Variants in BRIP1 observed in about 807,000 individuals in gnomAD.
The protein encoded by BRIP1 is BRCA1 interacting DNA helicase 1.
BRIP1 carries 88 observed loss-of-function variants against 119.7 expected under a neutral mutation model. The ratio of observed to expected loss-of-function variants is 0.74; its 90% CI spans 0.62 to 0.88. The LOEUF (loss-of-function observed/expected upper bound fraction) is 0.88, where lower values mean the gene tolerates loss of function less well. BRIP1 is among the 40% of genes least tolerant of loss of function. The pLI, the probability that BRIP1 is intolerant of heterozygous loss-of-function variation, is 0.00. For synonymous variants in BRIP1, 443 were observed against 496.5 expected (o/e 0.89, Z 1.43); for missense variants, 1,259 against 1,455.4 (o/e 0.87, Z 2.20).
Position 61,861,419 on chromosome 17 carries a change from A to G in BRIP1, c.93+28T>C, listed in dbSNP as rs1452207446. 9 of 1,483,318 alleles carry G rather than the reference A, an allele frequency of 6.1e-6. No individual in the cohort carries two copies. Among genetic ancestry groups the G allele is most frequent in the Non-Finnish European group, 8.5e-6 (9 of 1,061,958 alleles). The allele number at this position is 1,483,318 out of a possible 1,614,324, so 91.9% of individuals were successfully genotyped here. ...GGGTCATAAGTATCTATATCTTAAT[A>G]AAAACTTAACTGCTGAAAAATACTT... On this transcript the variant is annotated intron_variant, in intron 2 of 19. Transcript: ENST00000259008. This position sits in a 1 kb window ranked among gnomAD's most constrained non-coding sequence, Gnocchi z 4.5.
At chr17:61,733,114 C>CCT (rs2076872047) in intron 16 of BRIP1, among the ~76,000 whole-genome samples, 1 of 152,212 alleles carries the variant, frequency 6.6e-6, no homozygotes, top group Non-Finnish European at 1.5e-5. Context: ...ATACTACAGT[C>CCT]CTTTGCATTC....
In BRIP1 at chr17:61,760,862, A is replaced by G. The variant is rs1285391933; in HGVS notation, c.2097+15539T>C. Among the ~76,000 whole-genome samples, 1 of 152,070 alleles carries G rather than the reference A, an allele frequency of 6.6e-6. No individual in the cohort carries two copies. The highest frequency in any genetic ancestry group is 1.9e-4 in the East Asian group (1 of 5,196). On this transcript the variant is annotated intron_variant, in intron 14 of 19. Transcript: ENST00000259008. The surrounding 1 kb of genome is among the most constrained non-coding windows in gnomAD (Gnocchi z 4.6). ...TACCAATCATTCTCAAATGCTTTCA[A>G]AGAAGTTGAAAAGGAGGATATACTT...
rs903380508 is a variant in BRIP1 at position 61,710,902 on chromosome 17, A to T, written c.2492+5049T>A. Among the ~76,000 whole-genome samples, 4 of 152,014 alleles carry T rather than the reference A, an allele frequency of 2.6e-5. No individual in the cohort carries two copies. The highest frequency in any genetic ancestry group is 9.7e-5 in the African/African-American group (4 of 41,396). The stretch of plus-strand genomic sequence containing the variant: ...CTAAAAATATAAAAATTAGCTGGGC[A>T]TGGTAGTGCGTGCCTGTAATCTCAG... On this transcript the variant is annotated intron_variant, in intron 17 of 19. Transcript: ENST00000259008. The surrounding 1 kb of genome is among the most constrained non-coding windows in gnomAD (Gnocchi z 5.4).
rs1385046289 is a variant in BRIP1, at chr17:61,724,999, G to T, written c.2380-8936C>A. On this transcript the variant is annotated intron_variant, in intron 16 of 19. Transcript: ENST00000259008. The surrounding 1 kb of genome is among the most constrained non-coding windows in gnomAD (Gnocchi z 5.1). Reference sequence around the variant, plus strand: ...AGGGTATCACAATATAAATTCCAATGGTTAGAATTATAAACTCAGCATAAG... The same window carrying T: ...AGGGTATCACAATATAAATTCCAATTGTTAGAATTATAAACTCAGCATAAG... Among the ~76,000 whole-genome samples the T allele has an allele frequency of 6.6e-6, 1 of 152,038 alleles. No homozygotes were observed. The highest frequency in any genetic ancestry group is 1.5e-5 in the Non-Finnish European group (1 of 67,986).
rs1266986838 is a variant in BRIP1, at chr17:61,706,858, C to A, written c.2492+9093G>T. Among the ~76,000 whole-genome samples, 1 of 152,132 alleles carries A rather than the reference C, an allele frequency of 6.6e-6. No homozygotes were observed. The highest frequency in any genetic ancestry group is 6.5e-5 in the Admixed American group (1 of 15,276). On this transcript the variant is annotated intron_variant, in intron 17 of 19. Transcript: ENST00000259008. This position sits in a 1 kb window ranked among gnomAD's most constrained non-coding sequence, Gnocchi z 5.7. ...AATTAATCCCCAAACCATGCCATAGCTGTAAAAATTCTTCCAAGTATGGTC... is the reference window on the plus strand; with the variant it reads ...AATTAATCCCCAAACCATGCCATAGATGTAAAAATTCTTCCAAGTATGGTC...
At position 61,683,704 on chromosome 17, in the gene BRIP1, CTG is replaced by C; in HGVS notation, c.3340_3341del (p.Gln1114ValfsTer5). ...ELSLVSEEDK[Q>X]STSNRDFETE... Reference sequence around the variant, plus strand: ...TTTCAAAATCTCTATTTGAAGTGGACTGTTTATCTTCTTCACTTACTAGAGAC... The same window carrying C: ...TTTCAAAATCTCTATTTGAAGTGGACTTTATCTTCTTCACTTACTAGAGAC... On this transcript the variant is annotated frameshift_variant, in exon 20 of 20. Coordinates refer to ENST00000259008, the MANE Select transcript of BRIP1 (RefSeq NM_032043.3). LOFTEE classifies it low-confidence loss of function (END_TRUNC). The surrounding 1 kb of genome is among the most constrained non-coding windows in gnomAD (Gnocchi z 4.7). 2 of 1,613,904 alleles carry C rather than the reference CTG, an allele frequency of 1.2e-6. No homozygotes were observed. The highest frequency in any genetic ancestry group is 1.7e-6 in the Non-Finnish European group (2 of 1,179,898).
rs2078659230 is a variant in BRIP1, at chr17:61,841,658, AATATTACTACC to A, written c.627+5432_627+5442del. 1.3e-5 allele frequency among the ~76,000 whole-genome samples: 2 copies of A among 152,286 alleles called. No individual in the cohort carries two copies. The highest frequency in any genetic ancestry group is 4.2e-4 in the South Asian group (2 of 4,818). ...AATGGAGGCTTCTCAAAAACCTAAA[AATATTACTACC>A]ATATAATCATATAATCCAGCAATCC... On this transcript the variant is annotated intron_variant, in intron 6 of 19. Coordinates refer to ENST00000259008, the MANE Select transcript of BRIP1 (RefSeq NM_032043.3). The surrounding 1 kb of genome is among the most constrained non-coding windows in gnomAD (Gnocchi z 4.1).
rs972820740 is a variant in BRIP1 at position 61,816,759 on chromosome 17, G to C, written c.628-8002C>G. ...CAGGGTGTTTATAAAAAATAAAAAGGGGAAAAAGAAGACTCAAACGAGCAA... is the reference window on the plus strand; with the variant it reads ...CAGGGTGTTTATAAAAAATAAAAAGCGGAAAAAGAAGACTCAAACGAGCAA... On this transcript the variant is annotated intron_variant, in intron 6 of 19. Transcript: ENST00000259008. This position sits in a 1 kb window ranked among gnomAD's most constrained non-coding sequence, Gnocchi z 5.0. Among the ~76,000 whole-genome samples, 6 of 54,288 alleles carry C rather than the reference G, an allele frequency of 1.1e-4. No individual in the cohort carries two copies. The highest frequency in any genetic ancestry group is 1.4e-4 in the Non-Finnish European group (4 of 28,514). 35.6% of individuals were successfully genotyped at this position (54,288 alleles called of 152,430 possible).
Position 61,759,418 on chromosome 17 carries a change from A to G in BRIP1, c.2098-14827T>C, listed in dbSNP as rs1480705358. Among the ~76,000 whole-genome samples, 3 of 152,216 alleles carry G rather than the reference A, an allele frequency of 2.0e-5. No homozygotes were observed. The highest frequency in any genetic ancestry group is 4.4e-5 in the Non-Finnish European group (3 of 68,028). ...GCACCTAACATCAAAGTACCTAAAT[A>G]TATAAAGCAAGTATTAAAGGATCTG... On this transcript the variant is annotated intron_variant, in intron 14 of 19. Transcript: ENST00000259008. This position sits in a 1 kb window ranked among gnomAD's most constrained non-coding sequence, Gnocchi z 4.9.
At chr17:61,821,537 A>AT (rs944809892) in intron 6 of BRIP1, among the ~76,000 whole-genome samples, 22 of 138,066 alleles carry the variant, frequency 1.6e-4, no homozygotes, top group Admixed American at 7.9e-4. Context: ...TTTTAATTTT[A>AT]TTTTTTTTTA....
intron 8 of BRIP1, among the ~76,000 whole-genome samples, chr17:61,800,236 A>C (rs1050366922): frequency 1.3e-5 from 2 of 152,180 alleles, no homozygotes. Flanking sequence ...ACTGACTAAT[A>C]CAAGGAACTG....
In BRIP1 at chr17:61,680,407, T is replaced by C. The variant is rs914921845; in HGVS notation, c.*2889A>G. Among the ~76,000 whole-genome samples, 3 of 150,704 alleles carry C rather than the reference T, an allele frequency of 2.0e-5. No homozygotes were observed. Among genetic ancestry groups the C allele is most frequent in the African/African-American group, 7.3e-5 (3 of 41,022 alleles). The stretch of plus-strand genomic sequence containing the variant: ...AAAGGGGAAAGTATTGGAGATGAAG[T>C]TGGGTAATAACACTAAGATATGAAT... On this transcript the variant is annotated 3_prime_UTR_variant, in exon 20 of 20. Transcript: ENST00000259008.
At chr17:61,716,956 CTTCCAT>C in intron 16 of BRIP1, among the ~76,000 whole-genome samples, 1 of 152,052 alleles carries the variant, frequency 6.6e-6, no homozygotes, top group East Asian at 1.9e-4. Flanking sequence ...CCACAATATA[CTTCCAT>C]TTCCTTTTAT....
Position 61,802,878 on chromosome 17 carries a change from T to G in BRIP1, c.919-1404A>C, listed in dbSNP as rs956687374. ...GAAATTATCCTCCAGAAAGTATATA[T>G]TGCTTTGCATTACCCTTTTCCCACA... On this transcript the variant is annotated intron_variant, in intron 7 of 19. Transcript: ENST00000259008. This position sits in a 1 kb window ranked among gnomAD's most constrained non-coding sequence, Gnocchi z 6.0. 6.6e-6 allele frequency among the ~76,000 whole-genome samples: 1 copy of G among 152,230 alleles called. No individual in the cohort carries two copies. The highest frequency in any genetic ancestry group is 1.5e-5 in the Non-Finnish European group (1 of 68,018).
In BRIP1 at chr17:61,725,243, C is replaced by T. The variant is rs531942037; in HGVS notation, c.2380-9180G>A. Among the ~76,000 whole-genome samples the T allele has an allele frequency of 7.2e-5, 11 of 152,218 alleles. No individual in the cohort carries two copies. Among genetic ancestry groups the T allele is most frequent in the African/African-American group, 2.6e-4 (11 of 41,532 alleles). ...AATAAGAATAATAATGATAAAAGCA[C>T]ATTAGAAATGGTTTTTAGTTGTTAC... On this transcript the variant is annotated intron_variant, in intron 16 of 19. Transcript: ENST00000259008. The surrounding 1 kb of genome is among the most constrained non-coding windows in gnomAD (Gnocchi z 5.3).
rs745397773 is a variant in BRIP1, at chr17:61,832,744, T to C, written c.627+14357A>G. Among the ~76,000 whole-genome samples, 6 of 152,248 alleles carry C rather than the reference T, an allele frequency of 3.9e-5. No individual in the cohort carries two copies. The highest frequency in any genetic ancestry group is 9.6e-5 in the African/African-American group (4 of 41,474). On this transcript the variant is annotated intron_variant, in intron 6 of 19. Transcript: ENST00000259008. The surrounding 1 kb of genome is among the most constrained non-coding windows in gnomAD (Gnocchi z 5.5). The stretch of plus-strand genomic sequence containing the variant: ...AATGCATGGTTCTGACTGGATTCTT[T>C]TGCTTTTATAAAAGCGTTATTAAGA...
In BRIP1 at chr17:61,730,972, C is replaced by T. The variant is rs553638815; in HGVS notation, c.2379+12041G>A. ...TTTTTTGCTGGCCAAGGTAAATATA[C>T]AATTTATTAACCTAGACAGCTTACT... On this transcript the variant is annotated intron_variant, in intron 16 of 19. Transcript: ENST00000259008. This position sits in a 1 kb window ranked among gnomAD's most constrained non-coding sequence, Gnocchi z 4.3. 3.0e-4 allele frequency among the ~76,000 whole-genome samples: 45 copies of T among 151,034 alleles called. No homozygotes were observed. The highest frequency in any genetic ancestry group is 6.0e-4 in the Non-Finnish European group (41 of 67,892).
intron 8 of BRIP1, 144 bp downstream of exon 8, chr17:61,801,109 A>G (rs1456884384): frequency 1.4e-6 from 1 of 724,522 alleles, no homozygotes; most frequent in Non-Finnish European, 2.3e-6. Flanking sequence ...ATGTTAGGAT[A>G]TGTTTTCAGT....
At position 61,751,010 on chromosome 17, in the gene BRIP1, A is replaced by T. The variant is rs940181302; in HGVS notation, c.2098-6419T>A. On this transcript the variant is annotated intron_variant, in intron 14 of 19. Transcript: ENST00000259008. The surrounding 1 kb of genome is among the most constrained non-coding windows in gnomAD (Gnocchi z 6.7). Reference sequence around the variant, plus strand: ...ATAACCCCAAATATCTGAAAGTACTAGGATCCAAACAAACAGCTGTATGCT... The same window carrying T: ...ATAACCCCAAATATCTGAAAGTACTTGGATCCAAACAAACAGCTGTATGCT... Among the ~76,000 whole-genome samples the T allele has an allele frequency of 6.6e-6, 1 of 152,202 alleles. No homozygotes were observed. The highest frequency in any genetic ancestry group is 1.5e-5 in the Non-Finnish European group (1 of 68,034).
Sources: allele counts gnomAD v4.1 joint callset (sites outside exome capture counted in the v4.1 genomes callset), GRCh38; gene constraint gnomAD v4.1.1; non-coding constraint Gnocchi (gnomAD v3.1); transcripts MANE v1.5; gene names NCBI Gene and HGNC (gene_info 2026-07-23, HGNC 2026-07-21).